Variants in ATP8B3 observed in about 807,000 individuals in gnomAD.
ATP8B3 encodes ATPase phospholipid transporting 8B3.
ATP8B3 carries 141 observed loss-of-function variants against 140.9 expected under a neutral mutation model. That is an observed-to-expected ratio of 1.00 (90% CI 0.87 to 1.15). The LOEUF is 1.15. Among genes scored for constraint, ATP8B3 ranks in the 50% most tolerant of loss-of-function variants. The pLI is 0.00. For synonymous variants in ATP8B3, 765 were observed against 714.6 expected (o/e 1.07, Z -1.13); for missense variants, 1,874 against 1,740.6 (o/e 1.08, Z -1.36).
At position 1,794,722 on chromosome 19, in the gene ATP8B3, G is replaced by A. The variant is rs2068614950; in HGVS notation, c.2055+1153C>T. On this transcript the variant is annotated intron_variant, in intron 18 of 28. Transcript: ENST00000310127. This position sits in a 1 kb window ranked among gnomAD's most constrained non-coding sequence, Gnocchi z 4.8. ...CACAGGAAACAGCATGTGCAAAGGT[G>A]CCAAGGCAGCACCTGAGAGTGGGGA... Among the ~76,000 whole-genome samples the A allele has an allele frequency of 6.6e-6, 1 of 152,164 alleles. No individual in the cohort carries two copies. Among genetic ancestry groups the A allele is most frequent in the East Asian group, 1.9e-4 (1 of 5,186 alleles).
rs1297784279 is a variant in ATP8B3, at chr19:1,785,584, T to C, written c.3278A>G (p.Asn1093Ser). 2 of 1,613,040 alleles carry C rather than the reference T, an allele frequency of 1.2e-6. No individual in the cohort carries two copies. The highest frequency in any genetic ancestry group is 2.7e-5 in the African/African-American group (2 of 74,936). ...IAHGVTTSLV[N>S]FFMTLWISRD... The stretch of plus-strand genomic sequence containing the variant: ...GCTGATCCACAGTGTCATGAAGAAG[T>C]TGACCAGAGAGGTGGTCACACCATG... The change falls in exon 26 of 29, where the codon AAC becomes AGC. Residue 1093 changes from asparagine (N) to serine (S), a missense_variant. Asn to Ser is a conservative substitution (Grantham distance 46). This residue lies in a region of ATP8B3 where 840 missense variants were observed against 760.9 expected (regional missense o/e 1.10). Transcript: ENST00000310127.
intron 2 of ATP8B3, among the ~76,000 whole-genome samples, chr19:1,811,219 A>AC (rs1453762781): frequency 5.3e-5 from 8 of 149,714 alleles, no homozygotes; most frequent in Admixed American, 2.0e-4. Flanking sequence ...TCCCCTCCTC[A>AC]CCCCCCCAGG....
intron 4 of ATP8B3, among the ~76,000 whole-genome samples, chr19:1,808,570 T>G (rs12151205): frequency 6.6e-6 from 1 of 151,880 alleles, no homozygotes; most frequent in South Asian, 2.1e-4. Context: ...GGCCAGCATT[T>G]ACTGAGCACC....
Position 1,800,851 on chromosome 19 carries a change from C to T in ATP8B3, c.1153-402G>A, listed in dbSNP as rs1415441038. Among the ~76,000 whole-genome samples, 10 of 144,346 alleles carry T rather than the reference C, an allele frequency of 6.9e-5. No homozygotes were observed. The South Asian group carries it at 2.2e-3, about 32-fold the overall frequency. The allele number at this position is 144,346 out of a possible 152,430, so 94.7% of individuals were successfully genotyped here. A position where few individuals can be genotyped will look rare whatever the true frequency, so the allele number is the denominator to read the frequency against. On this transcript the variant is annotated intron_variant, in intron 12 of 28. Coordinates refer to ENST00000310127, the MANE Select transcript of ATP8B3 (RefSeq NM_138813.4). This position sits in a 1 kb window ranked among gnomAD's most constrained non-coding sequence, Gnocchi z 4.4. ...TTTTAATTTTTTTTTTTTTTTGAGA[C>T]AGAGTCTCGCTCTCTCTCCCAGGCT...
chr19:1,783,216 G>C lies in ATP8B3; in HGVS notation c.3715C>G (p.Pro1239Ala). 2 of 1,612,260 alleles carry C rather than the reference G, an allele frequency of 1.2e-6. No homozygotes were observed. Among genetic ancestry groups the C allele is most frequent in the Non-Finnish European group, 1.7e-6 (2 of 1,179,214 alleles). ...GCACGAGACTCCCGGTGTACATGAG[G>C]CAAGGGCTCCATGGTGAAAATCTCC... is the stretch of plus-strand genomic sequence containing the variant. ...SEEIFTMEPL[P>A]HVHRESRARR... Residue 1239 changes from proline (P) to alanine (A), a missense_variant, in exon 29 of 29, where the codon CCT (proline) becomes GCT (alanine). Physicochemically the swap from Pro to Ala is conservative, Grantham distance 27. Around this residue, in one of 3 missense-constraint regions of ATP8B3, gnomAD observed 840 missense variants for 760.9 expected, o/e 1.10. Coordinates refer to ENST00000310127, the MANE Select transcript of ATP8B3 (RefSeq NM_138813.4).
Position 1,807,287 on chromosome 19 carries a change from G to A in ATP8B3, c.517-21C>T. On this transcript the variant is annotated intron_variant, in intron 5 of 28. Transcript: ENST00000310127. The surrounding 1 kb of genome is among the most constrained non-coding windows in gnomAD (Gnocchi z 5.9). ...ATGCTCTGACGTGAGGGGGCCACAG[G>A]AAGGGTCACACCAGCCCACTCCCCC... The A allele has an allele frequency of 1.3e-6, 2 of 1,597,436 alleles. No homozygotes were observed. Among genetic ancestry groups the A allele is most frequent in the Non-Finnish European group, 1.7e-6 (2 of 1,166,836 alleles).
chr19:1,803,570 T>G (rs1338087159), intron 10 of ATP8B3, among the ~76,000 whole-genome samples: 1 of 152,138 alleles, frequency 6.6e-6, no homozygotes, highest in African/African-American at 2.4e-5. Context: ...GAAGAGCCGC[T>G]GCCTGTCTAT....
chr19:1,799,757 T>C, intron 14 of ATP8B3, 190 bp downstream of exon 14: 1 of 616,644 alleles, frequency 1.6e-6, no homozygotes, highest in Non-Finnish European at 2.9e-6. Flanking sequence ...AGAGTGAGAC[T>C]CTGCCTCAAA....
At chr19:1,796,914 G>T in intron 15 of ATP8B3, 35 bp from the exon 16 acceptor site, 5 of 1,610,986 alleles carry the variant, frequency 3.1e-6, no homozygotes, top group Non-Finnish European at 4.2e-6. Flanking sequence ...GGCTGTGGGT[G>T]GGCCGCTCCC....
At chr19:1,792,499 G>A (rs997588640) in intron 18 of ATP8B3, among the ~76,000 whole-genome samples, 30 of 149,780 alleles carry the variant, frequency 2.0e-4, no homozygotes, top group African/African-American at 7.1e-4. Flanking sequence ...AGAATTGCTT[G>A]AACTTGGGAG....
Position 1,809,168 on chromosome 19 carries a change from C to A in ATP8B3, c.402+475G>T, listed in dbSNP as rs368290165. ...CAGCCTGGGCGACAGAGCGAGACTC[C>A]ATCTTAAAACAAAACAGAAAAAAGA... On this transcript the variant is annotated intron_variant, in intron 4 of 28. Coordinates refer to ENST00000310127, the MANE Select transcript of ATP8B3 (RefSeq NM_138813.4). Among the ~76,000 whole-genome samples the A allele has an allele frequency of 4.9e-3, 655 of 134,394 alleles. 3 individuals are homozygous for A. The highest frequency in any genetic ancestry group is 0.018 in the African/African-American group (633 of 35,742). 88.2% of individuals were successfully genotyped at this position (134,394 alleles called of 152,430 possible). A position where few individuals can be genotyped will look rare whatever the true frequency, so the allele number is the denominator to read the frequency against.
intron 28 of ATP8B3, 127 bp downstream of exon 28, chr19:1,784,692 C>A: frequency 7.7e-7 from 1 of 1,301,492 alleles, no homozygotes; most frequent in Non-Finnish European, 1.0e-6. Context: ...CCACCCTTCC[C>A]CCAAGCCTAG....
intron 28 of ATP8B3, among the ~76,000 whole-genome samples, chr19:1,784,615 G>A (rs953238213): frequency 6.6e-5 from 10 of 152,228 alleles, no homozygotes; most frequent in African/African-American, 1.9e-4. Context: ...TTTGTCGGGG[G>A]AGTGAGGTCT....
At position 1,785,269 on chromosome 19, in the gene ATP8B3, G is replaced by A; in HGVS notation, c.3422C>T (p.Ala1141Val). ...GAGGAGGATGGTCGCCACGCACAGG[G>A]CGGTCCAGTACTTGATGATAAGAAT... ...EVILIIKYWT[A>V]LCVATILLSL... is the part of the protein sequence containing the mutation. The change falls in exon 27 of 29, where the codon GCC (alanine) becomes GTC (valine). Residue 1141 changes from alanine (A) to valine (V), a missense_variant. This residue lies in a region of ATP8B3 where 840 missense variants were observed against 760.9 expected (regional missense o/e 1.10). Coordinates refer to ENST00000310127, the MANE Select transcript of ATP8B3 (RefSeq NM_138813.4). 5 of 1,609,016 alleles carry A rather than the reference G, an allele frequency of 3.1e-6. No individual in the cohort carries two copies. The highest frequency in any genetic ancestry group is 1.7e-4 in the Middle Eastern group (1 of 6,044).
In ATP8B3 at chr19:1,787,193, C is replaced by A. The variant is rs374653617; in HGVS notation, c.3070-7G>T. 228 of 1,604,944 alleles carry A rather than the reference C, an allele frequency of 1.4e-4. 2 individuals carry two copies. In the South Asian group the frequency reaches 1.5e-3, roughly 11 times the overall value. On this transcript the variant is annotated splice_region_variant and splice_polypyrimidine_tract_variant and intron_variant, in intron 24 of 28. Coordinates refer to ENST00000310127, the MANE Select transcript of ATP8B3 (RefSeq NM_138813.4). Reference sequence around the variant, plus strand: ...ACCATCCTTCATACAGGGGCTGAGCCGGGGGAGAAGGGCAAGGAGAACAAG... The same window carrying A: ...ACCATCCTTCATACAGGGGCTGAGCAGGGGGAGAAGGGCAAGGAGAACAAG...
chr19:1,793,432 C>T (rs563062321), intron 18 of ATP8B3, among the ~76,000 whole-genome samples: 2 of 152,294 alleles, frequency 1.3e-5, no homozygotes, highest in Non-Finnish European at 2.9e-5. Context: ...CACTCAAGAC[C>T]TTCTATGCAG....
In ATP8B3 at chr19:1,811,729, G is replaced by C. The variant is rs753262899; in HGVS notation, c.8C>G (p.Thr3Ser). 8 of 1,591,952 alleles carry C rather than the reference G, an allele frequency of 5.0e-6. No homozygotes were observed. The highest frequency in any genetic ancestry group is 8.5e-7 in the Non-Finnish European group (1 of 1,173,764). The change falls in exon 2 of 29, where the codon ACT becomes AGT. Residue 3 changes from threonine (T) to serine (S), a missense_variant. Physicochemically the swap from Thr to Ser is moderately conservative, Grantham distance 58. Transcript: ENST00000310127. MG[T>S]GPAQTPRSTR... ...GCTCCTGGGAGTCTGAGCGGGGCCA[G>C]TGCCCATTCACCGCATGAGGAAAAG...
Position 1,801,939 on chromosome 19 carries a change from A to T in ATP8B3, c.1152+17T>A. 1 of 1,598,302 alleles carries T rather than the reference A, an allele frequency of 6.3e-7. No homozygotes were observed. The highest frequency in any genetic ancestry group is 1.1e-5 in the South Asian group (1 of 90,654). ...TCCTCTGTGTTCCTGGGGCAGGGGC[A>T]CTTGTTGGCAGCTCACCACAACCAC... On this transcript the variant is annotated intron_variant, in intron 12 of 28. Coordinates refer to ENST00000310127, the MANE Select transcript of ATP8B3 (RefSeq NM_138813.4).
chr19:1,806,325 C>G lies in ATP8B3; in HGVS notation c.678-156G>C, dbSNP rs2069018012. On this transcript the variant is annotated intron_variant, in intron 7 of 28. Transcript: ENST00000310127. The surrounding 1 kb of genome is among the most constrained non-coding windows in gnomAD (Gnocchi z 5.6). ...AAGCCTTCCCCGGGCTCCCACCCCA[C>G]TCCCCGCGGGTCCACGCTCCCACCC... 1 of 1,475,604 alleles carries G rather than the reference C, an allele frequency of 6.8e-7. No homozygotes were observed. Among genetic ancestry groups the G allele is most frequent in the Non-Finnish European group, 8.9e-7 (1 of 1,117,782 alleles). 91.4% of individuals were successfully genotyped at this position (1,475,604 alleles called of 1,614,324 possible). A position where few individuals can be genotyped will look rare whatever the true frequency, so the allele number is the denominator to read the frequency against.
Sources: allele counts gnomAD v4.1 joint callset (sites outside exome capture counted in the v4.1 genomes callset), GRCh38; gene constraint gnomAD v4.1.1; regional missense constraint gnomAD v4.1.1; non-coding constraint Gnocchi (gnomAD v3.1); transcripts MANE v1.5; gene names NCBI Gene and HGNC (gene_info 2026-07-23, HGNC 2026-07-21).